Variants in WDR59 observed in about 807,000 individuals in gnomAD.
The protein encoded by WDR59 is GATOR2 complex protein WDR59.
Under a neutral mutation model 131.2 loss-of-function variants are expected in WDR59, and 100 were observed. The observed-to-expected ratio is 0.76, with a 90% confidence interval of 0.65 to 0.90. The LOEUF is 0.90. Among genes scored for constraint, WDR59 ranks in the 40% least tolerant of loss-of-function variants. The probability of loss-of-function intolerance (pLI) is 0.00; values close to 1 mark genes in which losing one functional copy is unlikely to be tolerated. For synonymous variants in WDR59, 601 were observed against 466.2 expected (o/e 1.29, Z -3.72); for missense variants, 1,203 against 1,262.2 (o/e 0.95, Z 0.71).
chr16:74,965,248 G>A (rs1761774118), intron 2 of WDR59, among the ~76,000 whole-genome samples: 1 of 127,518 alleles, frequency 7.8e-6, no homozygotes, highest in Admixed American at 8.0e-5. Flanking sequence ...TAGAAAAGCA[G>A]AGATGGCCCT....
At chr16:74,981,415 G>T (rs189047073) in intron 1 of WDR59, among the ~76,000 whole-genome samples, 140 of 148,640 alleles carry the variant, frequency 9.4e-4, no homozygotes, top group African/African-American at 3.4e-3. Flanking sequence ...CAAAATTGTG[G>T]GGCTTGGTGG....
intron 16 of WDR59, among the ~76,000 whole-genome samples, 186 bp from the exon 17 acceptor site, chr16:74,909,163 GGA>G (rs1965962512): frequency 6.6e-6 from 1 of 152,124 alleles, no homozygotes; most frequent in Admixed American, 6.5e-5. Flanking sequence ...CCAGGATCCA[GGA>G]GAGAGGATGT....
chr16:74,913,834 T>C (rs1966226628), intron 13 of WDR59, among the ~76,000 whole-genome samples: 1 of 152,156 alleles, frequency 6.6e-6, no homozygotes, highest in Non-Finnish European at 1.5e-5. Context: ...GAATGATGAA[T>C]ATGTTCTGGA....
At chr16:74,920,331 G>A (rs2030077173) in intron 10 of WDR59, among the ~76,000 whole-genome samples, 1 of 152,094 alleles carries the variant, frequency 6.6e-6, no homozygotes, top group African/African-American at 2.4e-5. Context: ...TAGGCCGATG[G>A]AAGTGTTCTG....
intron 6 of WDR59, 62 bp from the exon 7 acceptor site, chr16:74,942,888 C>T: frequency 6.7e-7 from 1 of 1,482,896 alleles, no homozygotes; most frequent in South Asian, 1.2e-5. Flanking sequence ...CAGAGCAGAG[C>T]ACAGCCAGGG....
intron 20 of WDR59, among the ~76,000 whole-genome samples, chr16:74,890,924 G>A (rs914918256): frequency 2.0e-5 from 3 of 152,072 alleles, no homozygotes; most frequent in South Asian, 2.1e-4. Context: ...GACCAGCCTG[G>A]CCAATATGGT....
intron 1 of WDR59, among the ~76,000 whole-genome samples, chr16:74,970,032 T>C (rs972455543): frequency 2.0e-5 from 3 of 151,842 alleles, no homozygotes; most frequent in East Asian, 1.9e-4. Context: ...CAAGTGATCC[T>C]GTCACCTCAG....
intron 7 of WDR59, among the ~76,000 whole-genome samples, chr16:74,941,800 A>G (rs2032253196): frequency 1.3e-5 from 2 of 152,104 alleles, no homozygotes; most frequent in South Asian, 4.1e-4. Flanking sequence ...CTTCCCCAGC[A>G]TGTCCTGGAG....
At chr16:74,878,880 T>C (rs960252774) in intron 25 of WDR59, among the ~76,000 whole-genome samples, 3 of 152,268 alleles carry the variant, frequency 2.0e-5, no homozygotes, top group African/African-American at 7.2e-5. Flanking sequence ...TTTCGCTTTA[T>C]TGCCAATTGC....
chr16:74,950,170 C>G (rs565871044), intron 4 of WDR59, among the ~76,000 whole-genome samples: 1 of 152,068 alleles, frequency 6.6e-6, no homozygotes, highest in East Asian at 1.9e-4. Context: ...GGTGAAACCC[C>G]GTCTCTACTA....
chr16:74,976,700 CAA>C (rs1013961646), intron 1 of WDR59, among the ~76,000 whole-genome samples: 2 of 152,148 alleles, frequency 1.3e-5, no homozygotes, highest in African/African-American at 4.8e-5. Flanking sequence ...CTTGGCCTCC[CAA>C]AGTGCTGGGA....
At chr16:74,890,686 T>A (rs982219054) in intron 20 of WDR59, among the ~76,000 whole-genome samples, 2 of 152,256 alleles carry the variant, frequency 1.3e-5, no homozygotes, top group African/African-American at 4.8e-5. Context: ...ATCTGAGGAA[T>A]ACCTCCCCGA....
At chr16:74,964,745 C>A (rs1227100024) in intron 2 of WDR59, among the ~76,000 whole-genome samples, 2 of 151,940 alleles carry the variant, frequency 1.3e-5, no homozygotes, top group African/African-American at 4.8e-5. Context: ...AAAAGGGGAC[C>A]ATGACCATCA....
intron 2 of WDR59, chr16:74,959,401 A>C: frequency 2.9e-6 from 1 of 342,364 alleles, no homozygotes; most frequent in South Asian, 2.1e-5. Flanking sequence ...GTCGCTCTTT[A>C]GCATTAGCAG....
chr16:74,878,276 T>C (rs1410142256), intron 25 of WDR59, among the ~76,000 whole-genome samples: 1 of 152,266 alleles, frequency 6.6e-6, no homozygotes, highest in Non-Finnish European at 1.5e-5. Context: ...TCAAGATCAA[T>C]TGAAGGATAC....
chr16:74,932,153 G>C (rs2031449359), intron 8 of WDR59, among the ~76,000 whole-genome samples: 2 of 151,296 alleles, frequency 1.3e-5, no homozygotes, highest in Non-Finnish European at 2.9e-5. Context: ...GAGTGCAGTG[G>C]TCTGATCACA....
At chr16:74,924,570 A>G (rs1420261336) in intron 8 of WDR59, among the ~76,000 whole-genome samples, 3 of 152,168 alleles carry the variant, frequency 2.0e-5, no homozygotes, top group African/African-American at 7.2e-5. Flanking sequence ...TCATCCTCCA[A>G]CATCTGAGGT....
chr16:74,879,727 C>A (rs1156598381), intron 25 of WDR59, among the ~76,000 whole-genome samples: 1 of 152,162 alleles, frequency 6.6e-6, no homozygotes, highest in East Asian at 1.9e-4. Flanking sequence ...CAAAAAAGAT[C>A]TTAATATAGA....
intron 18 of WDR59, among the ~76,000 whole-genome samples, chr16:74,898,378 G>C (rs550910659): frequency 6.6e-6 from 1 of 152,270 alleles, no homozygotes; most frequent in African/African-American, 2.4e-5. Flanking sequence ...TCCTTTCAAT[G>C]CTCCATCAAT....
Sources: allele counts gnomAD v4.1 joint callset (sites outside exome capture counted in the v4.1 genomes callset), GRCh38; gene constraint gnomAD v4.1.1; transcripts MANE v1.5; gene names NCBI Gene and HGNC (gene_info 2026-07-23, HGNC 2026-07-21).